AGBL4: variants seen among roughly 807,000 people sequenced by gnomAD.
AGBL4 encodes the protein AGBL carboxypeptidase 4, also known as cytosolic carboxypeptidase 6.
Under a neutral mutation model 66.4 loss-of-function variants are expected in AGBL4, and 58 were observed. That is an observed-to-expected ratio of 0.87 (90% confidence interval 0.71 to 1.09). The LOEUF is 1.09. Ranked by LOEUF, AGBL4 falls within the 50% of genes least tolerant of loss-of-function variation. The probability of loss-of-function intolerance (pLI) is 0.00; values close to 1 mark genes in which losing one functional copy is unlikely to be tolerated. For synonymous variants in AGBL4, 234 were observed against 222.9 expected, an observed-to-expected ratio of 1.05 and a Z score of -0.44; for missense variants, 579 against 631.0, an observed-to-expected ratio of 0.92 and a Z score of 0.88.
intron 4 of AGBL4, among the ~76,000 whole-genome samples, chr1:49,203,088 C>CAAAAA (rs139732827): frequency 2.2e-5 from 3 of 135,894 alleles, no homozygotes; most frequent in Admixed American, 7.4e-5. Context: ...TGGCTACTAT[C>CAAAAA]AAAAAAAAAA....
chr1:48,938,986 C>A lies in AGBL4; in HGVS notation c.595-71756G>T, dbSNP rs531898968. On this transcript the variant is annotated intron_variant, in intron 5 of 13. Coordinates refer to ENST00000371839, the MANE Select transcript of AGBL4 (RefSeq NM_032785.4). Reference sequence around the variant, plus strand: ...CCAGTGGAGGAGCGACTAGTATCATCACCCCCTTTTTACAGAAAAATACTT... The same window carrying A: ...CCAGTGGAGGAGCGACTAGTATCATAACCCCCTTTTTACAGAAAAATACTT... Among the ~76,000 whole-genome samples the A allele has an allele frequency of 4.6e-5, 7 of 152,300 alleles. No individual in the cohort carries two copies. In the East Asian group the frequency reaches 1.2e-3, roughly 25 times the overall value.
chr1:48,619,132 T>G (rs1435389931), intron 9 of AGBL4, among the ~76,000 whole-genome samples: 1 of 152,216 alleles, frequency 6.6e-6, no homozygotes, highest in Non-Finnish European at 1.5e-5. Context: ...TGGCTTCCAC[T>G]TCAAGTCCTT....
At chr1:48,775,945 T>G (rs1262266477) in intron 6 of AGBL4, among the ~76,000 whole-genome samples, 1 of 152,178 alleles carries the variant, frequency 6.6e-6, no homozygotes, top group Non-Finnish European at 1.5e-5. Flanking sequence ...AGGGATGCCT[T>G]AGGGCCTCTA....
At chr1:49,399,501 C>T (rs1645039832) in intron 3 of AGBL4, among the ~76,000 whole-genome samples, 1 of 152,138 alleles carries the variant, frequency 6.6e-6, no homozygotes, top group Non-Finnish European at 1.5e-5. Context: ...TCCTCACCAG[C>T]ATTTGTTATT....
At chr1:49,504,095 T>C (rs1218475920) in intron 3 of AGBL4, among the ~76,000 whole-genome samples, 3 of 152,122 alleles carry the variant, frequency 2.0e-5, no homozygotes, top group Non-Finnish European at 2.9e-5. Flanking sequence ...AATTGAATTA[T>C]GGGGGCGGTT....
chr1:49,091,798 G>T (rs775943660), intron 4 of AGBL4, among the ~76,000 whole-genome samples: 1 of 152,106 alleles, frequency 6.6e-6, no homozygotes, highest in Admixed American at 6.6e-5. Context: ...ATCAATAGTA[G>T]AGTGGATAAA....
At chr1:49,846,996 C>G (rs1168484163) in intron 2 of AGBL4, among the ~76,000 whole-genome samples, 1 of 152,176 alleles carries the variant, frequency 6.6e-6, no homozygotes, top group East Asian at 1.9e-4. Flanking sequence ...AACAACAAAG[C>G]TGGAGATATC....
chr1:50,004,925 T>G (rs1384946198), intron 1 of AGBL4, among the ~76,000 whole-genome samples: 1 of 151,990 alleles, frequency 6.6e-6, no homozygotes, highest in Non-Finnish European at 1.5e-5. Flanking sequence ...AAATACCAAC[T>G]CAGCCACAGT....
At chr1:49,594,014 C>A (rs528679055) in intron 3 of AGBL4, among the ~76,000 whole-genome samples, 10 of 152,192 alleles carry the variant, frequency 6.6e-5, no homozygotes, top group African/African-American at 2.4e-4. Context: ...TTCCAGGACC[C>A]CAGAGTAACC....
intron 2 of AGBL4, among the ~76,000 whole-genome samples, chr1:49,825,963 C>G (rs934331026): frequency 1.3e-5 from 2 of 151,364 alleles, no homozygotes; most frequent in South Asian, 2.1e-4. Context: ...TAAAAAAAAA[C>G]AAAACTTACA....
chr1:48,540,123 G>T (rs1644041018), intron 11 of AGBL4, among the ~76,000 whole-genome samples: 2 of 152,048 alleles, frequency 1.3e-5, no homozygotes, highest in Admixed American at 1.3e-4. Context: ...AGCCAGGTAA[G>T]CAAAAAACCC....
At chr1:49,534,349 T>G (rs1198683632) in intron 3 of AGBL4, among the ~76,000 whole-genome samples, 1 of 152,160 alleles carries the variant, frequency 6.6e-6, no homozygotes, top group Non-Finnish European at 1.5e-5. Flanking sequence ...CAACCATTTA[T>G]TCTGAGATAA....
At chr1:48,707,254 A>G (rs375812487) in intron 6 of AGBL4, among the ~76,000 whole-genome samples, 40 of 152,310 alleles carry the variant, frequency 2.6e-4, no homozygotes, top group African/African-American at 8.7e-4. Flanking sequence ...AGATCATGCC[A>G]CTGCACTCCA....
At chr1:49,012,076 C>T (rs188010680) in intron 5 of AGBL4, among the ~76,000 whole-genome samples, 4 of 151,668 alleles carry the variant, frequency 2.6e-5, no homozygotes, top group Admixed American at 2.6e-4. Context: ...GGAACTCCCC[C>T]ACCCCCTCCA....
chr1:49,771,778 G>A (rs1644065780), intron 2 of AGBL4, among the ~76,000 whole-genome samples: 1 of 151,772 alleles, frequency 6.6e-6, no homozygotes, highest in African/African-American at 2.4e-5. Flanking sequence ...TTGATATAAA[G>A]TCGACTTTAT....
chr1:49,376,229 T>C (rs1644469039), intron 3 of AGBL4, among the ~76,000 whole-genome samples: 3 of 152,040 alleles, frequency 2.0e-5, no homozygotes, highest in Non-Finnish European at 1.5e-5. Context: ...TTATTCCCTT[T>C]TCATGTTAGT....
chr1:49,361,659 A>C (rs549089999), intron 3 of AGBL4, among the ~76,000 whole-genome samples: 1 of 152,320 alleles, frequency 6.6e-6, no homozygotes, highest in East Asian at 1.9e-4. Context: ...TAGATTATAA[A>C]GCACTTTCAA....
At chr1:48,821,913 G>C (rs11205550) in intron 6 of AGBL4, among the ~76,000 whole-genome samples, 10,603 of 152,220 alleles carry the variant, frequency 0.07, 509 homozygotes, top group East Asian at 0.17. Context: ...AGATTGAACA[G>C]ACATTTCACA....
intron 1 of AGBL4, among the ~76,000 whole-genome samples, chr1:49,991,030 A>C (rs555691695): frequency 6.6e-6 from 1 of 152,342 alleles, no homozygotes; most frequent in East Asian, 1.9e-4. Flanking sequence ...AGCACATGTG[A>C]AAAATGTTTA....
Sources: gnomAD v4.1 joint callset for allele counts (sites outside exome capture counted in the v4.1 genomes callset) on GRCh38, gnomAD v4.1.1 for gene constraint, MANE v1.5 for transcripts, NCBI Gene and HGNC (gene_info 2026-07-23, HGNC 2026-07-21) for gene names.